BEND6: variants seen among roughly 807,000 people sequenced by gnomAD.
BEND6 encodes BEN domain-containing protein 6.
In BEND6, 24 loss-of-function variants were observed where a neutral mutation model predicts 31.8. The ratio of observed to expected loss-of-function variants is 0.75; its 90% CI spans 0.55 to 1.06. The LOEUF is 1.06. BEND6 is among the 50% of genes least tolerant of loss of function. The pLI, the probability that BEND6 is intolerant of heterozygous loss-of-function variation, is 0.00. For synonymous variants in BEND6, 109 were observed against 114.6 expected (o/e 0.95, Z 0.31); for missense variants, 294 against 327.4 (o/e 0.90, Z 0.79).
intron 3 of BEND6, among the ~76,000 whole-genome samples, chr6:56,997,229 T>C (rs1826752489): frequency 6.6e-6 from 1 of 152,186 alleles, no homozygotes; most frequent in Non-Finnish European, 1.5e-5. Flanking sequence ...CTTCCAGTTA[T>C]CCATATGCCT....
intron 1 of BEND6, among the ~76,000 whole-genome samples, chr6:56,970,784 G>T (rs1335931880): frequency 6.6e-6 from 1 of 152,054 alleles, no homozygotes; most frequent in Non-Finnish European, 1.5e-5. Context: ...TCTAAATAAG[G>T]TCTGATATGT....
intron 3 of BEND6, among the ~76,000 whole-genome samples, chr6:57,003,336 T>C (rs1005885368): frequency 6.6e-6 from 1 of 151,992 alleles, no homozygotes; most frequent in African/African-American, 2.4e-5. Flanking sequence ...CTTATCTCTA[T>C]TAAAAATAAA....
chr6:56,960,189 C>T (rs1022339828), intron 1 of BEND6, among the ~76,000 whole-genome samples: 4 of 152,112 alleles, frequency 2.6e-5, no homozygotes. Flanking sequence ...GTTGTATGAA[C>T]TGCCAATGGA....
intron 1 of BEND6, among the ~76,000 whole-genome samples, chr6:56,963,404 T>A (rs139774595): frequency 6.9e-4 from 105 of 152,306 alleles, no homozygotes; most frequent in African/African-American, 2.3e-3. Flanking sequence ...AGACTCTTTG[T>A]ATTAAAAAAT....
At chr6:56,992,890 A>ATAT (rs556799794) in intron 3 of BEND6, among the ~76,000 whole-genome samples, 10,541 of 152,184 alleles carry the variant, frequency 0.069, 484 homozygotes, top group East Asian at 0.18. Flanking sequence ...GACAGAGCAA[A>ATAT]TATGATAAGT....
chr6:57,014,277 C>T (rs529832370), intron 3 of BEND6, among the ~76,000 whole-genome samples: 1 of 152,178 alleles, frequency 6.6e-6, no homozygotes. Context: ...ACCAGATATA[C>T]CGATTTGCAC....
In BEND6 at chr6:56,969,466, T is replaced by G. The variant is rs558517022; in HGVS notation, c.-100-12245T>G. 9.9e-5 allele frequency among the ~76,000 whole-genome samples: 15 copies of G among 152,282 alleles called. No individual in the cohort carries two copies. The East Asian group carries it at 2.7e-3, about 27-fold the overall frequency. On this transcript the variant is annotated intron_variant, in intron 1 of 6. Coordinates refer to ENST00000370746, the MANE Select transcript of BEND6 (RefSeq NM_152731.3). ...AGTTTCCCGCCACTTTTGAATTTAT[T>G]TAGAGGGGAGTCTTCAGTTCATATT...
intron 1 of BEND6, chr6:56,976,197 C>CTTT (rs530764397): frequency 3.3e-5 from 5 of 151,970 alleles, no homozygotes; most frequent in African/African-American, 1.1e-4. Context: ...AGTGTTAGTG[C>CTTT]TTTTTTTTTT....
Position 57,016,509 on chromosome 6 carries a change from T to C in BEND6, c.520-698T>C, listed in dbSNP as rs190638860. 2.0e-5 allele frequency among the ~76,000 whole-genome samples: 3 copies of C among 152,304 alleles called. No homozygotes were observed. The East Asian group carries it at 5.8e-4, about 29-fold the overall frequency. ...TGTGGTAGAATTCATTTTCTTGTGG[T>C]TGTAAAACTGAATTCCCCATTTTCT... On this transcript the variant is annotated intron_variant, in intron 4 of 6. Transcript: ENST00000370746.
intron 2 of BEND6, among the ~76,000 whole-genome samples, chr6:56,987,080 C>G (rs1227180048): frequency 2.0e-5 from 3 of 148,340 alleles, no homozygotes; most frequent in Admixed American, 6.8e-5. Flanking sequence ...GGTTTTCAAA[C>G]AATTCTCGTG....
intron 6 of BEND6, among the ~76,000 whole-genome samples, chr6:57,020,833 G>GTTT (rs74271470): frequency 1.1e-4 from 15 of 137,826 alleles, no homozygotes; most frequent in African/African-American, 1.9e-4. Flanking sequence ...CTAAACTCTT[G>GTTT]TTTTTTTTTT....
intron 1 of BEND6, chr6:56,975,956 A>ACAGTCATGGTCGACGCCATGTG (rs1182795330): frequency 7.6e-5 from 40 of 528,450 alleles, no homozygotes; most frequent in Admixed American, 4.0e-5. Flanking sequence ...CAGAGCATAC[A>ACAGTCATGGTCGACGCCATGTG]CAGTCATGGT....
At chr6:56,985,435 G>A (rs1467406816) in intron 2 of BEND6, among the ~76,000 whole-genome samples, 1 of 152,002 alleles carries the variant, frequency 6.6e-6, no homozygotes, top group African/African-American at 2.4e-5. Flanking sequence ...TCAACACACA[G>A]CCTCTATCTC....
chr6:57,018,894 G>A (rs975664928), intron 6 of BEND6, among the ~76,000 whole-genome samples: 1 of 152,130 alleles, frequency 6.6e-6, no homozygotes, highest in African/African-American at 2.4e-5. Context: ...CTGTTAACTT[G>A]GTGGGGATAG....
intron 1 of BEND6, among the ~76,000 whole-genome samples, chr6:56,962,935 C>T (rs752155559): frequency 1.6e-4 from 24 of 152,206 alleles, no homozygotes; most frequent in Non-Finnish European, 3.1e-4. Context: ...TGAGTATCTA[C>T]TCTCTGCTAA....
intron 1 of BEND6, among the ~76,000 whole-genome samples, chr6:56,972,088 T>TC (rs1825710812): frequency 2.4e-3 from 47 of 19,856 alleles, no homozygotes; most frequent in Non-Finnish European, 2.1e-3. Context: ...TTTACTTTCT[T>TC]TTTTTTTTTT....
intron 1 of BEND6, among the ~76,000 whole-genome samples, chr6:56,957,681 T>A (rs1825137982): frequency 6.6e-6 from 1 of 152,128 alleles, no homozygotes; most frequent in Non-Finnish European, 1.5e-5. Context: ...ATGGCCCAAA[T>A]CTTTCATACA....
At chr6:56,980,436 G>T (rs375159102) in intron 1 of BEND6, among the ~76,000 whole-genome samples, 2 of 152,250 alleles carry the variant, frequency 1.3e-5, no homozygotes, top group Middle Eastern at 3.4e-3. Flanking sequence ...CAATCTGCCC[G>T]CCTGGGACTC....
chr6:57,016,094 C>T (rs1287014691), intron 4 of BEND6, among the ~76,000 whole-genome samples: 1 of 152,114 alleles, frequency 6.6e-6, no homozygotes, highest in Non-Finnish European at 1.5e-5. Context: ...CAGGGTTATA[C>T]AATTTTATAT....
Sources: allele counts gnomAD v4.1 joint callset (sites outside exome capture counted in the v4.1 genomes callset), GRCh38; gene constraint gnomAD v4.1.1; transcripts MANE v1.5; gene names NCBI Gene and HGNC (gene_info 2026-07-23, HGNC 2026-07-21).